The following DNAH1 variants were observed in gnomAD, a reference collection of about 807,000 sequenced individuals.
DNAH1 encodes dynein axonemal heavy chain 1.
Under a neutral mutation model 484.3 loss-of-function variants are expected in DNAH1, and 327 were observed. The ratio of observed to expected loss-of-function variants is 0.68; its 90% CI spans 0.62 to 0.74. The LOEUF is 0.74. DNAH1 is among the 30% of genes least tolerant of loss of function. The probability of loss-of-function intolerance (pLI) is 0.00; values close to 1 mark genes in which losing one functional copy is unlikely to be tolerated. For synonymous variants in DNAH1, 2,192 were observed against 2,191.9 expected (o/e 1.00, Z 0.00); for missense variants, 5,052 against 5,546.8 (o/e 0.91, Z 2.83).
intron 56 of DNAH1, 76 bp from the exon 57 acceptor site, chr3:52,388,091 G>A: frequency 6.5e-7 from 1 of 1,534,176 alleles, no homozygotes; most frequent in South Asian, 1.2e-5. Context: ...CCCTCAGCAG[G>A]CCCCACATCC....
intron 46 of DNAH1, 139 bp from the exon 47 acceptor site, chr3:52,378,463 T>A: frequency 2.1e-5 from 17 of 814,292 alleles, no homozygotes; most frequent in South Asian, 4.0e-5. Flanking sequence ...GGCCAAAGGG[T>A]ACGTGGAATC....
rs375567414 is a variant in DNAH1, at chr3:52,391,228, T to C, written c.9791T>C (p.Leu3264Pro). The change falls in exon 62 of 78, where the codon CTG becomes CCG. Residue 3264 changes from leucine (L) to proline (P), a missense_variant. By Grantham distance (98) the Leu-to-Pro change is moderately conservative. Transcript: ENST00000420323. Reference protein sequence around the residue: ...DVFKLSDRDFLRSMENAIRFG... With the variant: ...DVFKLSDRDFPRSMENAIRFG... ...TTCAAGTTGAGTGACCGCGACTTCCTGCGCAGCATGGAGAACGCCATCCGC... is the reference window on the plus strand; with the variant it reads ...TTCAAGTTGAGTGACCGCGACTTCCCGCGCAGCATGGAGAACGCCATCCGC... The C allele has an allele frequency of 1.2e-6, 2 of 1,613,888 alleles. No individual in the cohort carries two copies. The highest frequency in any genetic ancestry group is 1.3e-5 in the African/African-American group (1 of 75,058).
At chr3:52,322,845 C>G (rs1701199168) in intron 2 of DNAH1, 70 bp downstream of exon 2, 4 of 1,325,850 alleles carry the variant, frequency 3.0e-6, no homozygotes, top group South Asian at 2.5e-5. Context: ...ATCCTTTCAT[C>G]CTTCTCCCCA....
At chr3:52,326,965 G>C in intron 5 of DNAH1, 74 bp downstream of exon 5, 1 of 1,504,158 alleles carries the variant, frequency 6.6e-7, no homozygotes, top group Non-Finnish European at 9.0e-7. Context: ...TCAGGAGTCA[G>C]ATCTGAAAGG....
Position 52,362,881 on chromosome 3 carries a change from G to T in DNAH1, c.5095-114G>T. The T allele has an allele frequency of 1.4e-6, 2 of 1,435,894 alleles. No individual in the cohort carries two copies. The highest frequency in any genetic ancestry group is 1.9e-6 in the Non-Finnish European group (2 of 1,042,530). The allele number at this position is 1,435,894 out of a possible 1,614,324, so 88.9% of individuals were successfully genotyped here. A position where few individuals can be genotyped will look rare whatever the true frequency, so the allele number is the denominator to read the frequency against. ...CAGGGGAGTGAAAGCCTCAGCTGTGGCAGGCTTGGTGCAGCAGGGAGTCCC... is the reference window on the plus strand; with the variant it reads ...CAGGGGAGTGAAAGCCTCAGCTGTGTCAGGCTTGGTGCAGCAGGGAGTCCC... On this transcript the variant is annotated intron_variant, in intron 31 of 77. Transcript: ENST00000420323. The surrounding 1 kb of genome is among the most constrained non-coding windows in gnomAD (Gnocchi z 5.1).
At chr3:52,370,360 A>T (rs1703281568) in intron 39 of DNAH1, 117 bp from the exon 40 acceptor site, 6 of 1,548,212 alleles carry the variant, frequency 3.9e-6, no homozygotes, top group Non-Finnish European at 4.4e-6. Flanking sequence ...CACCTGTCCA[A>T]TTGGCTGTAG....
At chr3:52,311,268 C>G in the DNAH1 span, among the ~76,000 whole-genome samples, 1 of 152,232 alleles carries the variant, frequency 6.6e-6, no homozygotes, top group African/African-American at 2.4e-5. Context: ...AGGTCTGGCT[C>G]TGCCACTGGC....
At chr3:52,341,530 CTTTTTTT>C (rs55645528) in intron 8 of DNAH1, among the ~76,000 whole-genome samples, 3 of 101,174 alleles carry the variant, frequency 3.0e-5, no homozygotes, top group Admixed American at 1.0e-4. Flanking sequence ...TTGACTTTGA[CTTTTTTT>C]TTTTTTTTTT....
rs1702722900 is a variant in DNAH1, at chr3:52,358,699, CACG to C, written c.4231_4233del (p.Asp1411del). ...GGAGCGCAGCATGAAGGCCAGTGTG[CACG>C]ACATCATTGAGAAGGCCATCAGGGC... is the stretch of plus-strand genomic sequence containing the variant. On this transcript the variant is annotated inframe_deletion, in exon 25 of 78. Coordinates refer to ENST00000420323, the MANE Select transcript of DNAH1 (RefSeq NM_015512.5). The surrounding 1 kb of genome is among the most constrained non-coding windows in gnomAD (Gnocchi z 4.2). 2 of 1,613,002 alleles carry C rather than the reference CACG, an allele frequency of 1.2e-6. No individual in the cohort carries two copies. Among genetic ancestry groups the C allele is most frequent in the East Asian group, 4.5e-5 (2 of 44,872 alleles).
Position 52,364,677 on chromosome 3 carries a change from A to C in DNAH1, c.5284A>C (p.Ile1762Leu). 6.2e-7 allele frequency: 1 copy of C among 1,613,882 alleles called. No individual in the cohort carries two copies. Among genetic ancestry groups the C allele is most frequent in the Non-Finnish European group, 8.5e-7 (1 of 1,179,868 alleles). ...DFGMRAVKTV[I>L]SAAGNLKREN... is the part of the protein sequence containing the mutation. ...CGGGATGAGAGCCGTGAAAACTGTG[A>C]TCTCGGCTGCTGGGAACCTCAAGCG... Residue 1762 changes from isoleucine (I) to leucine (L), a missense_variant, in exon 33 of 78, where the codon ATC becomes CTC. Around this residue, in one of 4 missense-constraint regions of DNAH1, gnomAD observed 2,929 missense variants for 3,409.4 expected, o/e 0.86. Transcript: ENST00000420323. This position sits in a 1 kb window ranked among gnomAD's most constrained non-coding sequence, Gnocchi z 4.2.
At chr3:52,322,813 T>C (rs1701197823) in intron 2 of DNAH1, 38 bp downstream of exon 2, 2 of 1,533,348 alleles carry the variant, frequency 1.3e-6, no homozygotes, top group African/African-American at 2.7e-5. Context: ...GCCTCAACCC[T>C]TCCTCTGGGC....
At chr3:52,370,411 C>A in intron 39 of DNAH1, 66 bp from the exon 40 acceptor site, 1 of 1,603,858 alleles carries the variant, frequency 6.2e-7, no homozygotes. Context: ...CATGCCCCTG[C>A]CCCACTTCCT....
In DNAH1 at chr3:52,364,809, AG is replaced by A; in HGVS notation, c.5332-22del. 1.2e-6 allele frequency: 2 copies of A among 1,610,340 alleles called. No individual in the cohort carries two copies. The highest frequency in any genetic ancestry group is 4.5e-5 in the East Asian group (2 of 44,806). On this transcript the variant is annotated intron_variant, in intron 33 of 77. Coordinates refer to ENST00000420323, the MANE Select transcript of DNAH1 (RefSeq NM_015512.5). This position sits in a 1 kb window ranked among gnomAD's most constrained non-coding sequence, Gnocchi z 4.2. ...GAGGGCAGCTGGCCCACTGCCCTGA[AG>A]GCTCAGCCGGCACCTGCTGCAGGAG...
In DNAH1 at chr3:52,358,435, C is replaced by T. The variant is rs549701068; in HGVS notation, c.4087-123C>T. On this transcript the variant is annotated intron_variant, in intron 24 of 77. Coordinates refer to ENST00000420323, the MANE Select transcript of DNAH1 (RefSeq NM_015512.5). This position sits in a 1 kb window ranked among gnomAD's most constrained non-coding sequence, Gnocchi z 4.2. ...CAGCCAAGATAGACTCTCGGGGGGA[C>T]GGGAAGGCAGGGCTTTCTTCTTGAG... The T allele has an allele frequency of 4.3e-5, 46 of 1,079,602 alleles. No individual in the cohort carries two copies. The highest frequency in any genetic ancestry group is 2.6e-4 in the Admixed American group (9 of 34,364). The allele number at this position is 1,079,602 out of a possible 1,614,324, so 66.9% of individuals were successfully genotyped here.
rs1206569651 is a variant in DNAH1 at position 52,334,840 on chromosome 3, TTTTC to T, written c.1286+2456_1286+2459del. ...TTAACTAACTTTAGCTTACTTTAACTTTTCTTTCTTTCTGTTTTTTTTTTTTGAG... is the reference window on the plus strand; with the variant it reads ...TTAACTAACTTTAGCTTACTTTAACTTTTCTTTCTGTTTTTTTTTTTTGAG... On this transcript the variant is annotated intron_variant, in intron 8 of 77. Transcript: ENST00000420323. Among the ~76,000 whole-genome samples, 9 of 151,678 alleles carry T rather than the reference TTTTC, an allele frequency of 5.9e-5. 1 individual carries two copies. In the South Asian group the frequency reaches 1.2e-3, roughly 21 times the overall value.
At chr3:52,324,043 G>A (rs1202115924) in intron 3 of DNAH1, among the ~76,000 whole-genome samples, 163 bp downstream of exon 3, 1 of 152,180 alleles carries the variant, frequency 6.6e-6, no homozygotes, top group Non-Finnish European at 1.5e-5. Context: ...CACTCATGGT[G>A]AGTGCTCAGT....
rs1423646504 is a variant in DNAH1, at chr3:52,378,719, A to G, written c.7316A>G (p.Asn2439Ser). The G allele has an allele frequency of 6.2e-7, 1 of 1,613,654 alleles. No homozygotes were observed. Among genetic ancestry groups the G allele is most frequent in the Non-Finnish European group, 8.5e-7 (1 of 1,179,836 alleles). The change falls in exon 47 of 78, where the codon AAC (asparagine) becomes AGC (serine). Residue 2439 changes from asparagine to serine, a missense_variant. Physicochemically the swap from Asn to Ser is conservative, Grantham distance 46 (BLOSUM62 1). Around this residue, in one of 4 missense-constraint regions of DNAH1, gnomAD observed 2,929 missense variants for 3,409.4 expected, o/e 0.86. Transcript: ENST00000420323. ...CCAGCCAAGTCCCACTACACCTTCAACCTGAGGGACCTCTCCAAGGTCTTC... is the reference window on the plus strand; with the variant it reads ...CCAGCCAAGTCCCACTACACCTTCAGCCTGAGGGACCTCTCCAAGGTCTTC... The part of the protein sequence containing the change: ...PTPAKSHYTF[N>S]LRDLSKVFQG...
chr3:52,346,774 G>A lies in DNAH1; in HGVS notation c.1955+4G>A, dbSNP rs750469228. On this transcript the variant is annotated splice_donor_region_variant and intron_variant, in intron 11 of 77. Transcript: ENST00000420323. Reference sequence around the variant, plus strand: ...ACTTAATTAACAGCCCCTACAGGTGGGGCCCGGCGGGGCGGAGGCACCTGT... The same window carrying A: ...ACTTAATTAACAGCCCCTACAGGTGAGGCCCGGCGGGGCGGAGGCACCTGT... 4 of 1,600,298 alleles carry A rather than the reference G, an allele frequency of 2.5e-6. No homozygotes were observed. Among genetic ancestry groups the A allele is most frequent in the Admixed American group, 1.7e-5 (1 of 59,512 alleles).
Position 52,328,763 on chromosome 3 carries a change from G to T in DNAH1, c.871+749G>T, listed in dbSNP as rs572702509. Reference sequence around the variant, plus strand: ...CTGACATCTCGGCCTGCACGGCTGGGTGTCGATGCAACATCCTAGGAAGGT... The same window carrying T: ...CTGACATCTCGGCCTGCACGGCTGGTTGTCGATGCAACATCCTAGGAAGGT... On this transcript the variant is annotated intron_variant, in intron 6 of 77. Coordinates refer to ENST00000420323, the MANE Select transcript of DNAH1 (RefSeq NM_015512.5). Among the ~76,000 whole-genome samples, 5 of 152,386 alleles carry T rather than the reference G, an allele frequency of 3.3e-5. No individual in the cohort carries two copies. The East Asian group carries it at 9.6e-4, about 29-fold the overall frequency.
Sources: gnomAD v4.1 joint callset for allele counts (sites outside exome capture counted in the v4.1 genomes callset) on GRCh38, gnomAD v4.1.1 for gene constraint, gnomAD v4.1.1 regional missense constraint, Gnocchi (gnomAD v3.1) non-coding constraint, MANE v1.5 for transcripts, NCBI Gene and HGNC (gene_info 2026-07-23, HGNC 2026-07-21) for gene names.